DDX1: variants seen among roughly 807,000 people sequenced by gnomAD.
DDX1 encodes the protein ATP-dependent RNA helicase DDX1.
Under a neutral mutation model 108.7 loss-of-function variants are expected in DDX1, and 28 were observed. The observed-to-expected ratio is 0.26, with a 90% confidence interval of 0.19 to 0.35. The LOEUF (loss-of-function observed/expected upper bound fraction) is 0.35, where lower values mean the gene tolerates loss of function less well. DDX1 is among the 10% of genes least tolerant of loss of function. The probability of loss-of-function intolerance (pLI) is 1.00; values close to 1 mark genes in which losing one functional copy is unlikely to be tolerated. For synonymous variants in DDX1, 295 were observed against 288.9 expected (o/e 1.02, Z -0.21); for missense variants, 710 against 884.5 (o/e 0.80, Z 2.50).
chr2:15,629,468 G>C (rs1666156592), intron 23 of DDX1, 134 bp from the exon 24 acceptor site: 1 of 621,096 alleles, frequency 1.6e-6, no homozygotes, highest in Non-Finnish European at 2.7e-6. Flanking sequence ...GTGGTAATTG[G>C]ATGATATATC....
chr2:15,607,207 C>A lies in DDX1; in HGVS notation c.850C>A (p.Pro284Thr), dbSNP rs764331933. The change falls in exon 13 of 26, where the codon CCC becomes ACC. Residue 284 changes from proline (P) to threonine (T), a missense_variant. By Grantham distance (38) the Pro-to-Thr change is conservative. This residue lies in a region of DDX1 where 661 missense variants were observed against 810.2 expected (regional missense o/e 0.82). Coordinates refer to ENST00000233084, the MANE Select transcript of DDX1 (RefSeq NM_004939.3). ...ACAGGTGACACAAACAAAGTTTCTC[C>A]CCAATGCTCCGAAAGCTCTCATTGT... Reference protein sequence around the residue: ...NAQVTQTKFLPNAPKALIVEP... With the variant: ...NAQVTQTKFLTNAPKALIVEP... The A allele has an allele frequency of 3.7e-6, 6 of 1,613,980 alleles. No homozygotes were observed. Among genetic ancestry groups the A allele is most frequent in the Non-Finnish European group, 5.1e-6 (6 of 1,179,932 alleles).
At chr2:15,610,574 C>G (rs965443093) in intron 13 of DDX1, among the ~76,000 whole-genome samples, 5 of 152,336 alleles carry the variant, frequency 3.3e-5, no homozygotes, top group African/African-American at 1.2e-4. Flanking sequence ...TCTTCTTTCA[C>G]TCCTTTCCCC....
At chr2:15,620,426 T>C (rs1368995333) in intron 17 of DDX1, 30 bp downstream of exon 17, 2 of 1,549,546 alleles carry the variant, frequency 1.3e-6, no homozygotes, top group East Asian at 2.3e-5. Flanking sequence ...AACATTTATG[T>C]AGAATAAAGC....
intron 19 of DDX1, among the ~76,000 whole-genome samples, chr2:15,626,281 A>G (rs1315446335): frequency 6.6e-6 from 1 of 152,160 alleles, no homozygotes; most frequent in Non-Finnish European, 1.5e-5. Context: ...TCTCAGCTGT[A>G]TACCTCTAGA....
intron 18 of DDX1, among the ~76,000 whole-genome samples, chr2:15,622,307 A>G (rs1321145768): frequency 6.6e-6 from 1 of 152,252 alleles, no homozygotes; most frequent in Admixed American, 6.5e-5. Flanking sequence ...AATCTGTATC[A>G]TTAAATATTT....
chr2:15,629,861 T>G, intron 24 of DDX1, 129 bp from the exon 25 acceptor site: 1 of 1,098,302 alleles, frequency 9.1e-7, no homozygotes, highest in Non-Finnish European at 1.3e-6. Context: ...AGTTGTGAAT[T>G]TCTCTCTTCA....
chr2:15,604,356 C>A, intron 9 of DDX1, 81 bp from the exon 10 acceptor site: 2 of 891,594 alleles, frequency 2.2e-6, no homozygotes, highest in Non-Finnish European at 3.6e-6. Flanking sequence ...TTTTGAAACA[C>A]ATACTTTTGA....
At chr2:15,607,525 T>C (rs1341728969) in intron 13 of DDX1, among the ~76,000 whole-genome samples, 1 of 152,222 alleles carries the variant, frequency 6.6e-6, no homozygotes, top group African/African-American at 2.4e-5. Context: ...AGATTTTTTT[T>C]TTCCTGTGTC....
At position 15,607,382 on chromosome 2, in the gene DDX1, G is replaced by A; in HGVS notation, c.956+69G>A. On this transcript the variant is annotated intron_variant, in intron 13 of 25. Transcript: ENST00000233084. ...TGAAGTTTTTTGGAAGAAGAATAAG[G>A]TAGAGAAAAATGAAGTAGAAATTCA... 2.1e-6 allele frequency: 3 copies of A among 1,442,118 alleles called. No homozygotes were observed. In the South Asian group the frequency reaches 3.7e-5, roughly 18 times the overall value. The allele number at this position is 1,442,118 out of a possible 1,614,324, so 89.3% of individuals were successfully genotyped here.
intron 14 of DDX1, among the ~76,000 whole-genome samples, chr2:15,615,999 TCTC>T (rs1407908962): frequency 4.6e-5 from 7 of 152,004 alleles, no homozygotes; most frequent in Admixed American, 3.9e-4. Flanking sequence ...TTCAAGCAGT[TCTC>T]CTCCCTCAGC....
In DDX1 at chr2:15,613,220, T is replaced by C. The variant is rs1665831935; in HGVS notation, c.957-4T>C. On this transcript the variant is annotated splice_polypyrimidine_tract_variant and splice_region_variant and intron_variant, in intron 13 of 25. Transcript: ENST00000233084. The stretch of plus-strand genomic sequence containing the variant: ...TTATATTATCATCTTGATATTTATT[T>C]CAGGGAGCTTCTGATAATTGGAGGT... 6.3e-7 allele frequency: 1 copy of C among 1,588,046 alleles called. No individual in the cohort carries two copies. Among genetic ancestry groups the C allele is most frequent in the Non-Finnish European group, 8.6e-7 (1 of 1,167,946 alleles).
chr2:15,628,859 A>G lies in DDX1; in HGVS notation c.1875+20A>G, dbSNP rs1387027678. 1.9e-6 allele frequency: 3 copies of G among 1,598,800 alleles called. No homozygotes were observed. The highest frequency in any genetic ancestry group is 2.6e-6 in the Non-Finnish European group (3 of 1,166,124). ...GAAAAGGTAATCTTTGTAGGGCTCT[A>G]TTATATTCATTGTGTGTGTTGTGAT... On this transcript the variant is annotated intron_variant, in intron 23 of 25. Coordinates refer to ENST00000233084, the MANE Select transcript of DDX1 (RefSeq NM_004939.3).
chr2:15,630,222 G>A (rs556569714), intron 25 of DDX1, 112 bp downstream of exon 25: 39 of 1,105,320 alleles, frequency 3.5e-5, no homozygotes, highest in Admixed American at 1.3e-4. Context: ...TATTTTTAGC[G>A]TGTTAATCAT....
chr2:15,615,784 A>G (rs992993824), intron 14 of DDX1, among the ~76,000 whole-genome samples: 1 of 152,208 alleles, frequency 6.6e-6, no homozygotes, highest in Non-Finnish European at 1.5e-5. Context: ...ATGCCTGCCA[A>G]TTAAGGAGTA....
In DDX1 at chr2:15,629,598, T is replaced by A. The variant is rs1403847242; in HGVS notation, c.1876-4T>A. 9 of 1,584,278 alleles carry A rather than the reference T, an allele frequency of 5.7e-6. No homozygotes were observed. Among genetic ancestry groups the A allele is most frequent in the Non-Finnish European group, 7.7e-6 (9 of 1,169,882 alleles). ...TGTTAATATTTTTTCCTTTTTAAAT[T>A]TAGGTTTGGTACCATGTATGTAGCA... On this transcript the variant is annotated splice_region_variant and splice_polypyrimidine_tract_variant and intron_variant, in intron 23 of 25. Transcript: ENST00000233084.
At chr2:15,616,013 C>A (rs2148745716) in intron 14 of DDX1, among the ~76,000 whole-genome samples, 1 of 152,136 alleles carries the variant, frequency 6.6e-6, no homozygotes, top group South Asian at 2.1e-4. Flanking sequence ...CTCCCTCAGC[C>A]TCCTGAGTAG....
At chr2:15,599,324 T>A (rs1031674893) in intron 5 of DDX1, among the ~76,000 whole-genome samples, 19 of 149,736 alleles carry the variant, frequency 1.3e-4, no homozygotes, top group African/African-American at 3.5e-4. Flanking sequence ...TATTTATTTT[T>A]GAGATGGAGT....
intron 14 of DDX1, among the ~76,000 whole-genome samples, chr2:15,616,581 C>T (rs13412818): frequency 6.6e-6 from 1 of 152,164 alleles, no homozygotes. Flanking sequence ...CTTCCGTTTT[C>T]TCATTGAATA....
Position 15,629,316 on chromosome 2 carries a change from T to A in DDX1, c.1876-286T>A, listed in dbSNP as rs372774234. Among the ~76,000 whole-genome samples the A allele has an allele frequency of 7.2e-5, 11 of 152,318 alleles. No individual in the cohort carries two copies. In the East Asian group the frequency reaches 2.1e-3, roughly 29 times the overall value. ...TTTTTATGTTAATATTGACATAGTA[T>A]GCTTCAATATTTACTTTTTCATCCT... On this transcript the variant is annotated intron_variant, in intron 23 of 25. Transcript: ENST00000233084.
Sources: gnomAD v4.1 joint callset for allele counts (sites outside exome capture counted in the v4.1 genomes callset) on GRCh38, gnomAD v4.1.1 for gene constraint, gnomAD v4.1.1 regional missense constraint, MANE v1.5 for transcripts, NCBI Gene and HGNC (gene_info 2026-07-23, HGNC 2026-07-21) for gene names.